The following DNAAF8 variants were observed in gnomAD, a reference collection of about 807,000 sequenced individuals.
DNAAF8 encodes the protein dynein axonemal assembly factor 8, also known as dynein axonemal-associated protein 1.
Under a neutral mutation model 54.6 loss-of-function variants are expected in DNAAF8, and 61 were observed. That is an observed-to-expected ratio of 1.12 (90% CI 0.91 to 1.38). The LOEUF (loss-of-function observed/expected upper bound fraction) is 1.38. Among genes scored for constraint, DNAAF8 ranks in the 40% most tolerant of loss-of-function variants. The pLI is 0.00. For synonymous variants in DNAAF8, 320 were observed against 270.1 expected, an observed-to-expected ratio of 1.18 and a Z score of -1.81; for missense variants, 837 against 665.0, an observed-to-expected ratio of 1.26 and a Z score of -2.85.
At chr16:4,736,120 T>G (rs576027780) in intron 1 of DNAAF8, among the ~76,000 whole-genome samples, 1 of 152,182 alleles carries the variant, frequency 6.6e-6, no homozygotes, top group Non-Finnish European at 1.5e-5. Flanking sequence ...ATATAAAATA[T>G]ACCTATATAT....
rs192580420 is a variant in DNAAF8, at chr16:4,747,518, C to G, written c.1456C>G (p.Gln486Glu). Residue 486 changes from glutamine (Q) to glutamate (E), a missense_variant, in exon 9 of 10, where the codon CAG (glutamine) becomes GAG (glutamate). Physicochemically the swap from Gln to Glu is conservative, Grantham distance 29. Transcript: ENST00000299320. ...ACACATGAAGCTCTGTGCCAAGGGG[C>G]AGAGCGCCCAGGCTCGACTCCCAAG... ...KQHMKLCAKGQSAQARLPRGR... is the reference protein window; with the variant it reads ...KQHMKLCAKGESAQARLPRGR... The G allele has an allele frequency of 1.2e-6, 2 of 1,613,176 alleles. No homozygotes were observed. The highest frequency in any genetic ancestry group is 1.7e-6 in the Non-Finnish European group (2 of 1,179,914).
rs1271513088 is a variant in DNAAF8 at position 4,748,834 on chromosome 16, A to G, written c.*119A>G. ...CAGTAGGGCGCCGGGCCTTTGGGAC[A>G]GTGTCCCAGCTTCCCCTGGGGTTCA... On this transcript the variant is annotated 3_prime_UTR_variant, in exon 10 of 10. Transcript: ENST00000299320. 6.6e-6 allele frequency: 1 copy of G among 152,476 alleles called. No homozygotes were observed. The highest frequency in any genetic ancestry group is 2.4e-5 in the African/African-American group (1 of 41,588). 9.4% of individuals were successfully genotyped at this position (152,476 alleles called of 1,614,324 possible). A position where few individuals can be genotyped will look rare whatever the true frequency, so the allele number is the denominator to read the frequency against.
intron 6 of DNAAF8, 23 bp from the exon 7 acceptor site, chr16:4,746,352 A>C (rs1485564366): frequency 6.2e-7 from 1 of 1,603,936 alleles, no homozygotes; most frequent in East Asian, 2.2e-5. Context: ...CTGACTCCAC[A>C]ACACCTGCTT....
intron 4 of DNAAF8, 109 bp from the exon 5 acceptor site, chr16:4,742,934 C>T: frequency 1.1e-6 from 1 of 890,164 alleles, no homozygotes; most frequent in Non-Finnish European, 1.8e-6. Flanking sequence ...CTGATTTCTA[C>T]CCCCAACATC....
Position 4,746,393 on chromosome 16 carries a change from G to T in DNAAF8, c.1062G>T (p.Gln354His). ...DSGSRCASRK[Q>H]GSQAGPGPQL... ...ATTTCAGATGTGCCTCAAGGAAGCA[G>T]GGCTCCCAGGCTGGGCCAGGCCCGC... The change falls in exon 7 of 10, where the codon CAG becomes CAT. Residue 354 changes from glutamine to histidine, a missense_variant. Physicochemically the swap from Gln to His is conservative, Grantham distance 24 (BLOSUM62 0). Coordinates refer to ENST00000299320, the MANE Select transcript of DNAAF8 (RefSeq NM_139170.3). The T allele has an allele frequency of 1.2e-6, 2 of 1,612,588 alleles. No individual in the cohort carries two copies. The highest frequency in any genetic ancestry group is 1.7e-6 in the Non-Finnish European group (2 of 1,179,530).
intron 2 of DNAAF8, among the ~76,000 whole-genome samples, 189 bp from the exon 3 acceptor site, chr16:4,737,611 G>A (rs547342112): frequency 6.6e-5 from 10 of 152,158 alleles, no homozygotes; most frequent in African/African-American, 1.7e-4. Context: ...GCAAGAAGCC[G>A]CGCACAGCAA....
Position 4,736,590 on chromosome 16 carries a change from A to G in DNAAF8, c.76A>G (p.Ile26Val). Residue 26 changes from isoleucine to valine, a missense_variant, in exon 2 of 10, where the codon ATC (isoleucine) becomes GTC (valine). Coordinates refer to ENST00000299320, the MANE Select transcript of DNAAF8 (RefSeq NM_139170.3). ...CTCCCAGATGGGGCCCTGGGATGCC[A>G]TCCTCAAGGCTGTCAAAGACCAGCT... ...WASQMGPWDA[I>V]LKAVKDQLPS... 1 of 1,591,370 alleles carries G rather than the reference A, an allele frequency of 6.3e-7. No individual in the cohort carries two copies. Among genetic ancestry groups the G allele is most frequent in the South Asian group, 1.1e-5 (1 of 88,112 alleles).
rs747772347 is a variant in DNAAF8 at position 4,737,826 on chromosome 16, C to A, written c.156C>A (p.Phe52Leu). The A allele has an allele frequency of 6.2e-7, 1 of 1,614,164 alleles. No homozygotes were observed. Among genetic ancestry groups the A allele is most frequent in the Admixed American group, 1.7e-5 (1 of 60,016 alleles). ...PLSDYGEEEL[F>L]IFQRNQTSLI... ...CGGACTATGGGGAAGAGGAGCTGTT[C>A]ATCTTCCAGCGAAACCAAACCTCCC... The change falls in exon 3 of 10, where the codon TTC becomes TTA. Residue 52 changes from phenylalanine (F) to leucine (L), a missense_variant. Phe to Leu is a conservative substitution (Grantham distance 22). Transcript: ENST00000299320.
In DNAAF8 at chr16:4,744,979, C is replaced by A. The variant is rs1343199471; in HGVS notation, c.1011C>A (p.Pro337=). 7 of 1,613,794 alleles carry A rather than the reference C, an allele frequency of 4.3e-6. No individual in the cohort carries two copies. The highest frequency in any genetic ancestry group is 5.9e-6 in the Non-Finnish European group (7 of 1,179,886). ...ACARKVPADT[P]QDTKEADSGS... Reference sequence around the variant, plus strand: ...CCCGGAAGGTGCCTGCCGACACTCCCCAGGACACCAAAGAGGCAGATTCAG... The same window carrying A: ...CCCGGAAGGTGCCTGCCGACACTCCACAGGACACCAAAGAGGCAGATTCAG... The change falls in exon 6 of 10, where the codon CCC becomes CCA. Residue 337 remains proline, a synonymous_variant. Coordinates refer to ENST00000299320, the MANE Select transcript of DNAAF8 (RefSeq NM_139170.3).
chr16:4,735,498 CA>C (rs2081876641), intron 1 of DNAAF8, among the ~76,000 whole-genome samples: 1 of 152,116 alleles, frequency 6.6e-6, no homozygotes, highest in South Asian at 2.1e-4. Context: ...TCTCGAGCTG[CA>C]GAGTTCTCCT....
At chr16:4,739,628 A>T (rs1049846476) in intron 3 of DNAAF8, among the ~76,000 whole-genome samples, 1 of 148,870 alleles carries the variant, frequency 6.7e-6, no homozygotes, top group African/African-American at 2.5e-5. Flanking sequence ...TGCTCACTGC[A>T]GCCTCCACCT....
rs765201393 is a variant in DNAAF8, at chr16:4,737,920, G to A, written c.250G>A (p.Ala84Thr). The A allele has an allele frequency of 2.0e-5, 32 of 1,614,106 alleles. No homozygotes were observed. The highest frequency in any genetic ancestry group is 2.3e-5 in the Non-Finnish European group (27 of 1,180,050). The change falls in exon 3 of 10, where the codon GCT (alanine) becomes ACT (threonine). Residue 84 changes from alanine to threonine, a missense_variant. Coordinates refer to ENST00000299320, the MANE Select transcript of DNAAF8 (RefSeq NM_139170.3). ...TGGCGACAAGTCCAGGGCCTGGGTC[G>A]CTGCAGCTGAAGAGTCCCTTCCCGA... ...ADGDKSRAWV[A>T]AAEESLPEPV...
rs764746497 is a variant in DNAAF8 at position 4,747,433 on chromosome 16, C to T, written c.1371C>T (p.Pro457=). 1.4e-5 allele frequency: 23 copies of T among 1,612,908 alleles called. No individual in the cohort carries two copies. The highest frequency in any genetic ancestry group is 1.6e-4 in the Middle Eastern group (1 of 6,080). ...AQPELPASKG[P]AGGRAQAPED... is the part of the protein sequence containing the mutation. ...CCGAGCTGCCTGCCAGCAAGGGGCC[C>T]GCGGGTGGGAGGGCTCAGGCCCCTG... The change falls in exon 9 of 10, where the codon CCC becomes CCT. Residue 457 remains proline, a synonymous_variant. Coordinates refer to ENST00000299320, the MANE Select transcript of DNAAF8 (RefSeq NM_139170.3).
In DNAAF8 at chr16:4,740,424, C is replaced by G. The variant is rs924574434; in HGVS notation, c.548C>G (p.Ala183Gly). The change falls in exon 4 of 10, where the codon GCA becomes GGA. Residue 183 changes from alanine (A) to glycine (G), a missense_variant. Coordinates refer to ENST00000299320, the MANE Select transcript of DNAAF8 (RefSeq NM_139170.3). ...TLSCHEGDPK[A>G]EPLSTASQES... ...TCCTGCCATGAAGGAGACCCAAAGGCAGAGCCCCTCAGCACTGCCTCACAA... is the reference window on the plus strand; with the variant it reads ...TCCTGCCATGAAGGAGACCCAAAGGGAGAGCCCCTCAGCACTGCCTCACAA... 13 of 1,614,086 alleles carry G rather than the reference C, an allele frequency of 8.1e-6. No homozygotes were observed. Among genetic ancestry groups the G allele is most frequent in the Non-Finnish European group, 1.1e-5 (13 of 1,180,026 alleles).
At chr16:4,745,581 C>CT (rs1324727014) in intron 6 of DNAAF8, among the ~76,000 whole-genome samples, 1 of 152,228 alleles carries the variant, frequency 6.6e-6, no homozygotes, top group Non-Finnish European at 1.5e-5. Flanking sequence ...CTTGAGGAAT[C>CT]TGAGAACCAG....
intron 2 of DNAAF8, among the ~76,000 whole-genome samples, chr16:4,737,596 C>T (rs997585600): frequency 6.6e-5 from 10 of 152,082 alleles, no homozygotes; most frequent in South Asian, 4.2e-4. Context: ...CATTTCTAAA[C>T]GGTGGCAAGA....
intron 5 of DNAAF8, chr16:4,743,875 G>A (rs1221781000): frequency 6.6e-6 from 1 of 151,456 alleles, no homozygotes; most frequent in Non-Finnish European, 1.5e-5. Flanking sequence ...GTATGTGTGT[G>A]TGTAACTGGC....
In DNAAF8 at chr16:4,736,657, C is replaced by G. The variant is rs1363778552; in HGVS notation, c.129+14C>G. ...GACTCCCCTTTGGTAAGCAAGAACT[C>G]TCTCCCTGGATGCCTTGTCCTTCCT... is the stretch of plus-strand genomic sequence containing the variant. On this transcript the variant is annotated intron_variant, in intron 2 of 9. Coordinates refer to ENST00000299320, the MANE Select transcript of DNAAF8 (RefSeq NM_139170.3). 8 of 1,546,342 alleles carry G rather than the reference C, an allele frequency of 5.2e-6. No individual in the cohort carries two copies. Among genetic ancestry groups the G allele is most frequent in the South Asian group, 1.2e-5 (1 of 83,744 alleles).
In DNAAF8 at chr16:4,744,875, A is replaced by C. The variant is rs1490917219; in HGVS notation, c.907A>C (p.Met303Leu). 1 of 1,612,748 alleles carries C rather than the reference A, an allele frequency of 6.2e-7. No homozygotes were observed. Residue 303 changes from methionine to leucine, a missense_variant, in exon 6 of 10, where the codon ATG becomes CTG. Transcript: ENST00000299320. Reference sequence around the variant, plus strand: ...TCTCCTTTGGCCATCCTCAGACCGCATGGTGCCGAGCGCCCACAACAGGCT... The same window carrying C: ...TCTCCTTTGGCCATCCTCAGACCGCCTGGTGCCGAGCGCCCACAACAGGCT... Reference protein sequence around the residue: ...AADHRQVQDRMVPSAHNRLME... With the variant: ...AADHRQVQDRLVPSAHNRLME...
Sources: allele counts gnomAD v4.1 joint callset (sites outside exome capture counted in the v4.1 genomes callset), GRCh38; gene constraint gnomAD v4.1.1; transcripts MANE v1.5; gene names NCBI Gene and HGNC (gene_info 2026-07-23, HGNC 2026-07-21).